Variants in TTLL10 observed in about 807,000 individuals in gnomAD.
TTLL10 encodes the protein inactive polyglycylase TTLL10.
Under a neutral mutation model 69.0 loss-of-function variants are expected in TTLL10, and 61 were observed. That is an observed-to-expected ratio of 0.88 (90% CI 0.72 to 1.09). TTLL10 has a LOEUF of 1.09. Ranked by LOEUF, TTLL10 falls within the 50% of genes least tolerant of loss-of-function variation. The pLI is 0.00. For missense variants in TTLL10, 962 were observed against 945.9 expected, an observed-to-expected ratio of 1.02 and a Z score of -0.22; for synonymous variants, 408 against 393.3, an observed-to-expected ratio of 1.04 and a Z score of -0.44.
At position 1,180,062 on chromosome 1, in the gene TTLL10, C is replaced by T; in HGVS notation, c.228C>T (p.Ser76=). The T allele has an allele frequency of 6.3e-7, 1 of 1,586,644 alleles. No homozygotes were observed. The highest frequency in any genetic ancestry group is 8.6e-7 in the Non-Finnish European group (1 of 1,166,130). Reference sequence around the variant, plus strand: ...CGGCCCACGAGAGGCCAATGGGGAGCAGCCAGGAGGAGGGACTCCGGTGTC... The same window carrying T: ...CGGCCCACGAGAGGCCAATGGGGAGTAGCCAGGAGGAGGGACTCCGGTGTC... ...VGPAHERPMG[S]SQEEGLRCQP... The change falls in exon 6 of 16, where the codon AGC becomes AGT. Residue 76 remains serine, a synonymous_variant. Coordinates refer to ENST00000379289, the MANE Select transcript of TTLL10 (RefSeq NM_001130045.2).
chr1:1,176,875 T>C (rs1258572347), intron 3 of TTLL10, among the ~76,000 whole-genome samples: 6 of 152,240 alleles, frequency 3.9e-5, no homozygotes, highest in Non-Finnish European at 5.9e-5. Flanking sequence ...CTCTTTTGTA[T>C]TCTCTGTGCC....
Position 1,185,447 on chromosome 1 carries a change from A to G in TTLL10, c.1401+338A>G. 2 of 1,110,440 alleles carry G rather than the reference A, an allele frequency of 1.8e-6. No individual in the cohort carries two copies. Among genetic ancestry groups the G allele is most frequent in the Non-Finnish European group, 2.2e-6 (2 of 910,180 alleles). The allele number at this position is 1,110,440 out of a possible 1,614,324, so 68.8% of individuals were successfully genotyped here. ...GTTCCTTTCAGATCCTCCACTTGGC[A>G]GGCAGGGCCAACAGCAGCCCCCGGG... is the stretch of plus-strand genomic sequence containing the variant. On this transcript the variant is annotated intron_variant, in intron 13 of 15. Transcript: ENST00000379289. The surrounding 1 kb of genome is among the most constrained non-coding windows in gnomAD (Gnocchi z 6.1).
In TTLL10 at chr1:1,185,333, G is replaced by A. The variant is rs1204179412; in HGVS notation, c.1401+224G>A. 2.9e-6 allele frequency: 4 copies of A among 1,382,718 alleles called. No individual in the cohort carries two copies. Among genetic ancestry groups the A allele is most frequent in the African/African-American group, 1.5e-5 (1 of 67,706 alleles). 85.7% of individuals were successfully genotyped at this position (1,382,718 alleles called of 1,614,324 possible). A position where few individuals can be genotyped will look rare whatever the true frequency, so the allele number is the denominator to read the frequency against. Reference sequence around the variant, plus strand: ...GGCCCGGACGGAAAGCCCAGTCGGGGGTCTGTCGGCACGAGTCCCGCGGGC... The same window carrying A: ...GGCCCGGACGGAAAGCCCAGTCGGGAGTCTGTCGGCACGAGTCCCGCGGGC... On this transcript the variant is annotated intron_variant, in intron 13 of 15. Coordinates refer to ENST00000379289, the MANE Select transcript of TTLL10 (RefSeq NM_001130045.2). This position sits in a 1 kb window ranked among gnomAD's most constrained non-coding sequence, Gnocchi z 6.1.
rs752866610 is a variant in TTLL10 at position 1,180,264 on chromosome 1, G to T, written c.430G>T (p.Gly144Trp). Residue 144 changes from glycine (G) to tryptophan (W), a missense_variant, in exon 6 of 16, where the codon GGG becomes TGG. Physicochemically the swap from Gly to Trp is radical, Grantham distance 184 (BLOSUM62 -2). Coordinates refer to ENST00000379289, the MANE Select transcript of TTLL10 (RefSeq NM_001130045.2). ...TGCCCTCCTGGAGGGGCTCCTGCTG[G>T]GGGGTGGGAAGCCATCGCCCCACAG... ...SAALLEGLLL[G>W]GGKPSPHSTR... 7.1e-4 allele frequency: 1,137 copies of T among 1,600,284 alleles called. 1 individual carries two copies. The highest frequency in any genetic ancestry group is 9.2e-4 in the Non-Finnish European group (1,079 of 1,174,612).
Position 1,180,271 on chromosome 1 carries a change from G to T in TTLL10, c.437G>T (p.Gly146Val), listed in dbSNP as rs1275402532. 6.3e-7 allele frequency: 1 copy of T among 1,597,050 alleles called. No homozygotes were observed. Among genetic ancestry groups the T allele is most frequent in the African/African-American group, 1.3e-5 (1 of 74,578 alleles). Residue 146 changes from glycine (G) to valine (V), a missense_variant, in exon 6 of 16, where the codon GGG becomes GTG. Physicochemically the swap from Gly to Val is moderately radical, Grantham distance 109. Coordinates refer to ENST00000379289, the MANE Select transcript of TTLL10 (RefSeq NM_001130045.2). The part of the protein sequence containing the change: ...ALLEGLLLGG[G>V]KPSPHSTRPG... Reference sequence around the variant, plus strand: ...CTGGAGGGGCTCCTGCTGGGGGGTGGGAAGCCATCGCCCCACAGCACCCGG... The same window carrying T: ...CTGGAGGGGCTCCTGCTGGGGGGTGTGAAGCCATCGCCCCACAGCACCCGG...
intron 13 of TTLL10, among the ~76,000 whole-genome samples, chr1:1,190,228 G>T: frequency 6.8e-6 from 1 of 147,554 alleles, no homozygotes; most frequent in African/African-American, 2.5e-5. Context: ...CCTGATTTTA[G>T]TAATTTGATT....
chr1:1,176,075 C>A, intron 3 of TTLL10: 1 of 439,528 alleles, frequency 2.3e-6, no homozygotes, highest in South Asian at 1.6e-5. Flanking sequence ...TGGAGAGAGG[C>A]TGCCGCTGTG....
intron 11 of TTLL10, 117 bp from the exon 12 acceptor site, chr1:1,183,803 A>T (rs1487910278): frequency 1.8e-5 from 24 of 1,362,646 alleles, no homozygotes; most frequent in Non-Finnish European, 2.4e-5. Flanking sequence ...TGGAGGTCAC[A>T]CCTGGGACAG....
In TTLL10 at chr1:1,196,707, C is replaced by CA. The variant is rs754851045; in HGVS notation, c.1511dup (p.Asn504LysfsTer12). The CA allele has an allele frequency of 6.4e-7, 1 of 1,550,824 alleles. No homozygotes were observed. The highest frequency in any genetic ancestry group is 8.7e-7 in the Non-Finnish European group (1 of 1,145,872). On this transcript the variant is annotated frameshift_variant, in exon 14 of 16. Transcript: ENST00000379289. LOFTEE classifies it high-confidence loss of function. ...TTGGCTGTGACTTCCTGATTGATGACAACTTCAAGGTGCTGTCCTGGGCGG... is the reference window on the plus strand; with the variant it reads ...TTGGCTGTGACTTCCTGATTGATGACAAACTTCAAGGTGCTGTCCTGGGCGG...
chr1:1,193,856 A>T (rs1361443746), intron 13 of TTLL10, among the ~76,000 whole-genome samples: 1 of 152,134 alleles, frequency 6.6e-6, no homozygotes, highest in Non-Finnish European at 1.5e-5. Flanking sequence ...TTAATATTGT[A>T]TCTTAATTTA....
In TTLL10 at chr1:1,183,987, T is replaced by C. The variant is rs756431705; in HGVS notation, c.1156T>C (p.Cys386Arg). 5.0e-6 allele frequency: 8 copies of C among 1,614,220 alleles called. No homozygotes were observed. The highest frequency in any genetic ancestry group is 6.8e-6 in the Non-Finnish European group (8 of 1,180,020). Residue 386 changes from cysteine (C) to arginine (R), a missense_variant, in exon 12 of 16, where the codon TGC becomes CGC. Cys to Arg is a radical substitution (Grantham distance 180). Transcript: ENST00000379289. ...FDVRSYLLIA[C>R]TTPYMIFFGH... ...CGTGCGCTCCTACCTGCTCATTGCC[T>C]GCACCACACCCTACATGATCTTCTT...
At chr1:1,186,753 A>G (rs1272313521) in intron 13 of TTLL10, among the ~76,000 whole-genome samples, 6 of 152,120 alleles carry the variant, frequency 3.9e-5, no homozygotes, top group Non-Finnish European at 8.8e-5. Flanking sequence ...TCATGTGTTC[A>G]CTGGCCAGCT....
intron 3 of TTLL10, chr1:1,176,483 G>C (rs1646876240): frequency 2.3e-6 from 1 of 443,452 alleles, no homozygotes; most frequent in South Asian, 1.6e-5. Context: ...AGTCTTCCAG[G>C]CTTCCCGGAG....
At position 1,181,846 on chromosome 1, in the gene TTLL10, C is replaced by T. The variant is rs1382743582; in HGVS notation, c.830+31C>T. 1.3e-6 allele frequency: 2 copies of T among 1,576,686 alleles called. No individual in the cohort carries two copies. Among genetic ancestry groups the T allele is most frequent in the Non-Finnish European group, 1.7e-6 (2 of 1,159,096 alleles). On this transcript the variant is annotated intron_variant, in intron 9 of 15. Transcript: ENST00000379289. This position sits in a 1 kb window ranked among gnomAD's most constrained non-coding sequence, Gnocchi z 4.6. ...CTCAGCCCAGCTGTGAGGGGCCCTT[C>T]AGACCGAAGTTCAGACCTAAACCTG... is the stretch of plus-strand genomic sequence containing the variant.
At position 1,184,008 on chromosome 1, in the gene TTLL10, TTCTTTGGCCACGGCTA is replaced by T. The variant is rs770441012; in HGVS notation, c.1179_1194del (p.Phe393LeufsTer20). 16 of 1,614,096 alleles carry T rather than the reference TTCTTTGGCCACGGCTA, an allele frequency of 9.9e-6. No homozygotes were observed. Among genetic ancestry groups the T allele is most frequent in the Admixed American group, 3.3e-5 (2 of 60,006 alleles). Reference sequence around the variant, plus strand: ...TGCCTGCACCACACCCTACATGATCTTCTTTGGCCACGGCTATGCTCGCCTCACCCTTAGCCTTTAC... The same window carrying T: ...TGCCTGCACCACACCCTACATGATCTTGCTCGCCTCACCCTTAGCCTTTAC... On this transcript the variant is annotated frameshift_variant, in exon 12 of 16. Coordinates refer to ENST00000379289, the MANE Select transcript of TTLL10 (RefSeq NM_001130045.2). LOFTEE classifies it high-confidence loss of function.
chr1:1,183,844 C>G, intron 11 of TTLL10, 76 bp from the exon 12 acceptor site: 1 of 1,578,494 alleles, frequency 6.3e-7, no homozygotes, highest in Non-Finnish European at 8.7e-7. Context: ...GGAACAGGCC[C>G]GGGGTGGGGT....
rs541237900 is a variant in TTLL10, at chr1:1,184,413, C to T, written c.1260+322C>T. ...TTTCTGAGGATGGGGTGCGGGTGGG[C>T]GTCGGAACCGAGGGGATTCTGAGGC... is the stretch of plus-strand genomic sequence containing the variant. On this transcript the variant is annotated intron_variant, in intron 12 of 15. Coordinates refer to ENST00000379289, the MANE Select transcript of TTLL10 (RefSeq NM_001130045.2). Among the ~76,000 whole-genome samples the T allele has an allele frequency of 3.8e-3, 577 of 152,280 alleles. 3 individuals carry two copies. The highest frequency in any genetic ancestry group is 0.013 in the African/African-American group (546 of 41,562).
At chr1:1,182,277 C>G in intron 9 of TTLL10, 84 bp from the exon 10 acceptor site, 3 of 1,242,794 alleles carry the variant, frequency 2.4e-6, no homozygotes, top group Non-Finnish European at 3.6e-6. Flanking sequence ...TCCCTCCCGC[C>G]GGGCCACAGG....
In TTLL10 at chr1:1,197,630, A is replaced by G. The variant is rs538902204; in HGVS notation, c.1805A>G (p.His602Arg). 2,325 of 1,514,236 alleles carry G rather than the reference A, an allele frequency of 1.5e-3. 2 individuals are homozygous for G. Among genetic ancestry groups the G allele is most frequent in the Non-Finnish European group, 1.7e-3 (1,921 of 1,137,448 alleles). 93.8% of individuals were successfully genotyped at this position (1,514,236 alleles called of 1,614,324 possible). ...AAGTCCTCCGGGCCACCCATGCCGC[A>G]TGCCCCAGACCAGCCGGGCGCCCGC... ...QAKSSGPPMPHAPDQPGARRP... is the reference protein window; with the variant it reads ...QAKSSGPPMPRAPDQPGARRP... Residue 602 changes from histidine (H) to arginine (R), a missense_variant, in exon 16 of 16, where the codon CAT becomes CGT. Physicochemically the swap from His to Arg is conservative, Grantham distance 29 (BLOSUM62 0). Coordinates refer to ENST00000379289, the MANE Select transcript of TTLL10 (RefSeq NM_001130045.2).
Sources: allele counts gnomAD v4.1 joint callset (sites outside exome capture counted in the v4.1 genomes callset), GRCh38; gene constraint gnomAD v4.1.1; non-coding constraint Gnocchi (gnomAD v3.1); transcripts MANE v1.5; gene names NCBI Gene and HGNC (gene_info 2026-07-23, HGNC 2026-07-21).